The following CMIP variants were observed in gnomAD, a reference collection of about 807,000 sequenced individuals.
CMIP encodes C-Maf-inducing protein.
Under a neutral mutation model 97.3 loss-of-function variants are expected in CMIP, and 13 were observed. The observed-to-expected ratio is 0.13, with a 90% CI of 0.09 to 0.21. CMIP has a LOEUF of 0.21. CMIP is among the 10% of genes least tolerant of loss of function. CMIP has a pLI of 1.00. For missense variants in CMIP, 847 were observed against 1,024.9 expected (o/e 0.83, Z 2.37); for synonymous variants, 538 against 436.3 (o/e 1.23, Z -2.91).
intron 1 of CMIP, among the ~76,000 whole-genome samples, chr16:81,542,757 C>G (rs542153103): frequency 6.6e-6 from 1 of 152,258 alleles, no homozygotes; most frequent in East Asian, 1.9e-4. Context: ...GACATTTATC[C>G]TGTCATGGGG....
intron 1 of CMIP, among the ~76,000 whole-genome samples, chr16:81,468,051 C>T (rs950872207): frequency 6.6e-6 from 1 of 152,068 alleles, no homozygotes; most frequent in African/African-American, 2.4e-5. Context: ...CATGCCCGGC[C>T]CTTGCTCCTT....
chr16:81,619,861 G>C (rs975990949), intron 2 of CMIP: 7 of 152,196 alleles, frequency 4.6e-5, no homozygotes, highest in African/African-American at 1.4e-4. Flanking sequence ...TCCACACACA[G>C]GACTCAGAGC....
chr16:81,526,840 T>G (rs1284176735), intron 1 of CMIP, among the ~76,000 whole-genome samples: 1 of 152,190 alleles, frequency 6.6e-6, no homozygotes, highest in African/African-American at 2.4e-5. Context: ...GCAACCCAAC[T>G]TCCTTTGGAA....
chr16:81,582,588 C>T (rs922175956), intron 1 of CMIP, among the ~76,000 whole-genome samples: 2 of 152,126 alleles, frequency 1.3e-5, no homozygotes, highest in Non-Finnish European at 2.9e-5. Context: ...TCAGAGACCA[C>T]TTTCCAGCAA....
intron 1 of CMIP, among the ~76,000 whole-genome samples, chr16:81,471,202 A>G (rs1304699961): frequency 1.3e-5 from 2 of 152,248 alleles, no homozygotes; most frequent in African/African-American, 4.8e-5. Context: ...ATATACTCAC[A>G]TGCGCACACA....
chr16:81,682,521 C>T (rs1374093029), intron 10 of CMIP, among the ~76,000 whole-genome samples: 2 of 151,780 alleles, frequency 1.3e-5, no homozygotes, highest in African/African-American at 4.8e-5. Context: ...GCTGAGATCA[C>T]GCCATTGCGT....
intron 7 of CMIP, 89 bp from the exon 8 acceptor site, chr16:81,670,053 G>T: frequency 1.6e-6 from 2 of 1,278,318 alleles, no homozygotes; most frequent in Non-Finnish European, 2.2e-6. Flanking sequence ...GCAGAGCTCG[G>T]TCCCGCCCTT....
chr16:81,602,938 G>A (rs4889351), intron 1 of CMIP, among the ~76,000 whole-genome samples: 35,335 of 152,094 alleles, frequency 0.23, 5,023 homozygotes, highest in East Asian at 0.46. Flanking sequence ...CGGCAGAGGT[G>A]CCTGGGCAGT....
intron 1 of CMIP, among the ~76,000 whole-genome samples, chr16:81,466,680 C>G (rs547166324): frequency 6.6e-6 from 1 of 152,158 alleles, no homozygotes; most frequent in Admixed American, 6.5e-5. Context: ...CCAATGCCAT[C>G]CAATTGATTG....
chr16:81,558,288 G>C (rs989377962), intron 1 of CMIP, among the ~76,000 whole-genome samples: 2 of 152,092 alleles, frequency 1.3e-5, no homozygotes, highest in Admixed American at 6.6e-5. Flanking sequence ...CAGCAGACAC[G>C]AGGCTGCTTC....
At chr16:81,644,111 A>G (rs1405601490) in intron 3 of CMIP, among the ~76,000 whole-genome samples, 1 of 152,228 alleles carries the variant, frequency 6.6e-6, no homozygotes, top group Non-Finnish European at 1.5e-5. Context: ...CGAAACATGC[A>G]TTTACAATAT....
At chr16:81,498,075 G>T (rs1349684678) in intron 1 of CMIP, among the ~76,000 whole-genome samples, 1 of 152,230 alleles carries the variant, frequency 6.6e-6, no homozygotes, top group Non-Finnish European at 1.5e-5. Flanking sequence ...CATTCTCAGA[G>T]TACCATGGTG....
chr16:81,550,518 G>A (rs2090631836), intron 1 of CMIP, among the ~76,000 whole-genome samples: 1 of 152,178 alleles, frequency 6.6e-6, no homozygotes, highest in African/African-American at 2.4e-5. Context: ...TGGGCAGGAT[G>A]GTGTTGACAG....
At chr16:81,631,995 A>T (rs138630250) in intron 3 of CMIP, 1 of 152,322 alleles carries the variant, frequency 6.6e-6, no homozygotes, top group East Asian at 1.9e-4. Flanking sequence ...GAACTAAGAA[A>T]ATTCCCACTA....
chr16:81,468,220 G>A (rs765577461), intron 1 of CMIP, among the ~76,000 whole-genome samples: 9 of 152,164 alleles, frequency 5.9e-5, no homozygotes, highest in Non-Finnish European at 1.0e-4. Flanking sequence ...GAAGGCCATG[G>A]TTCTCTATGT....
chr16:81,568,730 G>C (rs993212513), intron 1 of CMIP, among the ~76,000 whole-genome samples: 3 of 152,226 alleles, frequency 2.0e-5, no homozygotes, highest in African/African-American at 7.2e-5. Flanking sequence ...CAAAGGCAAG[G>C]AGAGCTGGAG....
At chr16:81,673,988 C>T (rs1005964441) in intron 9 of CMIP, among the ~76,000 whole-genome samples, 1 of 152,172 alleles carries the variant, frequency 6.6e-6, no homozygotes, top group Non-Finnish European at 1.5e-5. Flanking sequence ...GGGGATTTCT[C>T]AAACAAATGC....
chr16:81,546,369 G>T (rs574697807), intron 1 of CMIP, among the ~76,000 whole-genome samples: 12 of 152,298 alleles, frequency 7.9e-5, no homozygotes, highest in African/African-American at 2.9e-4. Context: ...CATGTAGGGC[G>T]GCGGTCCCTT....
intron 13 of CMIP, chr16:81,696,288 A>C: frequency 1.8e-6 from 1 of 543,590 alleles, no homozygotes; most frequent in Non-Finnish European, 3.3e-6. Flanking sequence ...CGCTTCATTC[A>C]GATCAGCCAA....
Sources: allele counts gnomAD v4.1 joint callset (sites outside exome capture counted in the v4.1 genomes callset), GRCh38; gene constraint gnomAD v4.1.1; transcripts MANE v1.5; gene names NCBI Gene and HGNC (gene_info 2026-07-23, HGNC 2026-07-21).